Variants in RHOT1 observed in about 807,000 individuals in gnomAD.
RHOT1 encodes ras homolog family member T1.
RHOT1 carries 27 observed loss-of-function variants against 95.3 expected under a neutral mutation model. The ratio of observed to expected loss-of-function variants is 0.28; its 90% CI spans 0.21 to 0.39. The LOEUF (loss-of-function observed/expected upper bound fraction) is 0.39, where lower values mean the gene tolerates loss of function less well. Among genes scored for constraint, RHOT1 ranks in the 10% least tolerant of loss-of-function variants. RHOT1 has a pLI of 1.00. For missense variants in RHOT1, 578 were observed against 786.7 expected, an observed-to-expected ratio of 0.73 and a Z score of 3.17; for synonymous variants, 227 against 263.5, an observed-to-expected ratio of 0.86 and a Z score of 1.34.
At chr17:32,143,347 G>A (rs9889748) in intron 1 of RHOT1, among the ~76,000 whole-genome samples, 6,913 of 152,222 alleles carry the variant, frequency 0.045, 536 homozygotes, top group African/African-American at 0.16. Flanking sequence ...CTTTTTAGCA[G>A]TACTTGTACT....
intron 1 of RHOT1, 148 bp downstream of exon 1, chr17:32,142,877 T>A: frequency 1.3e-6 from 1 of 798,600 alleles, no homozygotes; most frequent in Admixed American, 2.1e-5. Flanking sequence ...TCCGCGTTCC[T>A]AGGCCTTCCA....
Position 32,148,189 on chromosome 17 carries a change from C to T in RHOT1, c.37+5460C>T, listed in dbSNP as rs1184846935. ...CCGAGCCAGAAGAATGGCATGAATC[C>T]GGGAGGCGGAGTTTGCAGTGAGCCG... On this transcript the variant is annotated intron_variant, in intron 1 of 19. Coordinates refer to ENST00000545287, the MANE Select transcript of RHOT1 (RefSeq NM_001033566.3). Among the ~76,000 whole-genome samples, 10 of 152,078 alleles carry T rather than the reference C, an allele frequency of 6.6e-5. No individual in the cohort carries two copies. The South Asian group carries it at 8.3e-4, about 13-fold the overall frequency.
chr17:32,144,151 T>C (rs938322563), intron 1 of RHOT1, among the ~76,000 whole-genome samples: 1 of 152,200 alleles, frequency 6.6e-6, no homozygotes, highest in South Asian at 2.1e-4. Flanking sequence ...GGAAAGTGAG[T>C]AGACGACTTG....
intron 1 of RHOT1, among the ~76,000 whole-genome samples, chr17:32,149,615 A>ATGTG (rs1272063309): frequency 6.2e-4 from 52 of 84,072 alleles, no homozygotes; most frequent in African/African-American, 3.3e-3. Flanking sequence ...ATATATATAT[A>ATGTG]TATATATATA....
intron 16 of RHOT1, among the ~76,000 whole-genome samples, chr17:32,205,861 G>T (rs949357842): frequency 6.6e-6 from 1 of 152,164 alleles, no homozygotes; most frequent in Non-Finnish European, 1.5e-5. Context: ...TTTTACTCTT[G>T]TTGGAGATCA....
At chr17:32,150,837 T>G in intron 1 of RHOT1, 1 of 1,522,050 alleles carries the variant, frequency 6.6e-7, no homozygotes, top group South Asian at 1.2e-5. Flanking sequence ...AGAGCTGAGG[T>G]GGAAGGGAGC....
intron 14 of RHOT1, 30 bp from the exon 15 acceptor site, chr17:32,202,740 A>G (rs752872080): frequency 6.6e-7 from 1 of 1,503,820 alleles, no homozygotes. Context: ...GTACATATTT[A>G]GTGGGGTTTT....
In RHOT1 at chr17:32,142,624, TG is replaced by T; in HGVS notation, c.-66del. 7.5e-7 allele frequency: 1 copy of T among 1,334,888 alleles called. No homozygotes were observed. Among genetic ancestry groups the T allele is most frequent in the Non-Finnish European group, 9.8e-7 (1 of 1,025,522 alleles). 82.7% of individuals were successfully genotyped at this position (1,334,888 alleles called of 1,614,324 possible). A position where few individuals can be genotyped will look rare whatever the true frequency, so the allele number is the denominator to read the frequency against. ...GAGGCTGGCAGGTGGCGCCGTGGGGTGGGTGCTCCTGGTGAGAGGAGTCCAC... is the reference window on the plus strand; with the variant it reads ...GAGGCTGGCAGGTGGCGCCGTGGGGTGGTGCTCCTGGTGAGAGGAGTCCAC... On this transcript the variant is annotated 5_prime_UTR_variant, in exon 1 of 20. Coordinates refer to ENST00000545287, the MANE Select transcript of RHOT1 (RefSeq NM_001033566.3).
intron 16 of RHOT1, 30 bp from the exon 17 acceptor site, chr17:32,206,880 A>G (rs749777934): frequency 6.9e-7 from 1 of 1,444,306 alleles, no homozygotes; most frequent in Non-Finnish European, 9.6e-7. Flanking sequence ...TATGATACTT[A>G]TATTTTTCAT....
chr17:32,172,190 C>T lies in RHOT1; in HGVS notation c.96+1089C>T, dbSNP rs574910686. Among the ~76,000 whole-genome samples, 3 of 152,312 alleles carry T rather than the reference C, an allele frequency of 2.0e-5. No individual in the cohort carries two copies. The South Asian group carries it at 6.2e-4, about 32-fold the overall frequency. On this transcript the variant is annotated intron_variant, in intron 2 of 19. Transcript: ENST00000545287. The stretch of plus-strand genomic sequence containing the variant: ...ATGTATCATGTGATAGTGTTTTCAA[C>T]ATTTACAGCTGCCAAAAGACTATTT...
Position 32,199,010 on chromosome 17 carries a change from C to G in RHOT1, c.933C>G (p.Ser311Arg), listed in dbSNP as rs866859767. 1 of 1,609,082 alleles carries G rather than the reference C, an allele frequency of 6.2e-7. No individual in the cohort carries two copies. The highest frequency in any genetic ancestry group is 2.2e-5 in the East Asian group (1 of 44,746). ...LNHHAYLFLQ[S>R]TFDKHDLDRD... ...ATCATGCATATTTATTTCTCCAAAGCACCTTTGACAAGCATGATTTGGTAA... is the reference window on the plus strand; with the variant it reads ...ATCATGCATATTTATTTCTCCAAAGGACCTTTGACAAGCATGATTTGGTAA... The change falls in exon 12 of 20, where the codon AGC becomes AGG. Residue 311 changes from serine to arginine, a missense_variant. Ser to Arg is a moderately radical substitution (Grantham distance 110). Around this residue, in one of 4 missense-constraint regions of RHOT1, gnomAD observed 227 missense variants for 316.0 expected, o/e 0.72. Coordinates refer to ENST00000545287, the MANE Select transcript of RHOT1 (RefSeq NM_001033566.3).
Position 32,142,543 on chromosome 17 carries a change from G to T in RHOT1, c.-150G>T, listed in dbSNP as rs1233654988. The T allele has an allele frequency of 8.6e-6, 5 of 579,648 alleles. No individual in the cohort carries two copies. Among genetic ancestry groups the T allele is most frequent in the Non-Finnish European group, 1.1e-5 (4 of 364,268 alleles). The allele number at this position is 579,648 out of a possible 1,614,324, so 35.9% of individuals were successfully genotyped here. A position where few individuals can be genotyped will look rare whatever the true frequency, so the allele number is the denominator to read the frequency against. On this transcript the variant is annotated 5_prime_UTR_variant, in exon 1 of 20. Transcript: ENST00000545287. ...GAGGAGGCGGAGCTGGCGCTGTCCCGGCTCTCTTGCGGGGAAGCAACTGAG... is the reference window on the plus strand; with the variant it reads ...GAGGAGGCGGAGCTGGCGCTGTCCCTGCTCTCTTGCGGGGAAGCAACTGAG...
At chr17:32,207,530 C>T (rs1477351043) in intron 17 of RHOT1, 1 of 153,710 alleles carries the variant, frequency 6.5e-6, no homozygotes, top group African/African-American at 2.4e-5. Context: ...TGGAAATAAT[C>T]AAGATGGCTA....
intron 1 of RHOT1, chr17:32,150,380 A>G: frequency 2.4e-6 from 1 of 411,322 alleles, no homozygotes; most frequent in East Asian, 3.5e-5. Context: ...CATGTGTAAG[A>G]TGCAAGAAGA....
chr17:32,210,337 C>T (rs2038042779), intron 18 of RHOT1, among the ~76,000 whole-genome samples: 1 of 152,108 alleles, frequency 6.6e-6, no homozygotes, highest in South Asian at 2.1e-4. Flanking sequence ...TGGGTTGCCC[C>T]CTGTGCCTGC....
chr17:32,193,324 A>G, intron 10 of RHOT1, 80 bp downstream of exon 10: 1 of 835,586 alleles, frequency 1.2e-6, no homozygotes, highest in South Asian at 1.5e-5. Context: ...TTATTGCATT[A>G]TTTATACTTT....
Position 32,176,185 on chromosome 17 carries a change from A to G in RHOT1, c.301A>G (p.Ile101Val). ...GGTAACAAGTCGATGGATTCCTCTC[A>G]TAAATGAAAGAACAGACAAAGACAG... ...DKVTSRWIPLINERTDKDSRL... is the reference protein window; with the variant it reads ...DKVTSRWIPLVNERTDKDSRL... Residue 101 changes from isoleucine to valine, a missense_variant, in exon 6 of 20, where the codon ATA (isoleucine) becomes GTA (valine). Ile to Val is a conservative substitution (Grantham distance 29, BLOSUM62 3). This residue lies in a region of RHOT1 where 227 missense variants were observed against 316.0 expected (regional missense o/e 0.72). Transcript: ENST00000545287. 1 of 1,611,550 alleles carries G rather than the reference A, an allele frequency of 6.2e-7. No homozygotes were observed. Among genetic ancestry groups the G allele is most frequent in the Non-Finnish European group, 8.5e-7 (1 of 1,179,398 alleles).
chr17:32,153,486 C>G (rs548209854), intron 1 of RHOT1, among the ~76,000 whole-genome samples: 101 of 152,250 alleles, frequency 6.6e-4, no homozygotes, highest in African/African-American at 2.4e-3. Flanking sequence ...TAATGAGAAC[C>G]TATCTGTACA....
chr17:32,196,415 C>G (rs2036893174), intron 11 of RHOT1, among the ~76,000 whole-genome samples: 1 of 152,046 alleles, frequency 6.6e-6, no homozygotes. Context: ...TGGTTTCTGT[C>G]TTTCAGGCTC....
Sources: gnomAD v4.1 joint callset for allele counts (sites outside exome capture counted in the v4.1 genomes callset) on GRCh38, gnomAD v4.1.1 for gene constraint, gnomAD v4.1.1 regional missense constraint, MANE v1.5 for transcripts, NCBI Gene and HGNC (gene_info 2026-07-23, HGNC 2026-07-21) for gene names.